The following LRRC4C variants were observed in gnomAD, a reference collection of about 807,000 sequenced individuals.
LRRC4C encodes the protein leucine-rich repeat-containing protein 4C.
LRRC4C carries 5 observed loss-of-function variants against 33.6 expected under a neutral mutation model. The observed-to-expected ratio is 0.15, with a 90% CI of 0.08 to 0.31. The LOEUF is 0.31. LRRC4C is among the 10% of genes least tolerant of loss of function. The pLI is 1.00. For synonymous variants in LRRC4C, 329 were observed against 302.0 expected, an observed-to-expected ratio of 1.09 and a Z score of -0.93; for missense variants, 560 against 796.7, an observed-to-expected ratio of 0.70 and a Z score of 3.58.
intron 3 of LRRC4C, among the ~76,000 whole-genome samples, chr11:40,355,910 C>T (rs1256826447): frequency 6.7e-6 from 1 of 149,118 alleles, no homozygotes; most frequent in Non-Finnish European, 1.5e-5. Flanking sequence ...TTCATCTCCT[C>T]CCTTGCTATG....
intron 4 of LRRC4C, among the ~76,000 whole-genome samples, chr11:40,274,466 C>G (rs1036032498): frequency 1.2e-4 from 18 of 148,750 alleles, no homozygotes; most frequent in Non-Finnish European, 2.2e-4. Context: ...CACACACACA[C>G]AGAAACCACA....
intron 1 of LRRC4C, among the ~76,000 whole-genome samples, chr11:41,253,473 A>G (rs977684584): frequency 6.6e-6 from 1 of 152,118 alleles, no homozygotes; most frequent in Non-Finnish European, 1.5e-5. Context: ...CAGGGTTATC[A>G]TACTTTTACC....
intron 1 of LRRC4C, among the ~76,000 whole-genome samples, chr11:41,420,676 C>T (rs1423804187): frequency 1.3e-5 from 2 of 151,980 alleles, no homozygotes; most frequent in Non-Finnish European, 2.9e-5. Context: ...GATCCAGAGC[C>T]AGATTTCTTG....
intron 4 of LRRC4C, among the ~76,000 whole-genome samples, chr11:40,284,938 G>C (rs368568875): frequency 1.3e-5 from 2 of 151,924 alleles, no homozygotes; most frequent in Admixed American, 1.3e-4. Flanking sequence ...GCTGGCAATG[G>C]ACACTTATGT....
intron 3 of LRRC4C, among the ~76,000 whole-genome samples, chr11:40,566,086 G>GTT: frequency 0.13 from 7,877 of 62,624 alleles, 551 homozygotes; most frequent in African/African-American, 0.14. Flanking sequence ...TTTTTACTAA[G>GTT]TTTTTTTTTT....
intron 1 of LRRC4C, among the ~76,000 whole-genome samples, chr11:40,972,855 ACTAT>A (rs1042534111): frequency 1.3e-5 from 2 of 152,094 alleles, no homozygotes; most frequent in Non-Finnish European, 2.9e-5. Flanking sequence ...CATATCAGTT[ACTAT>A]CTGTGTCCCC....
rs59083499 is a variant in LRRC4C, at chr11:41,001,940, T to A, written c.-495-68217A>T. ...TATGTTACTGAGATAAATTGTCCTT[T>A]ACTAAACATGTGGTTACATTAAACG... On this transcript the variant is annotated intron_variant, in intron 1 of 6. Coordinates refer to ENST00000528697, the MANE Select transcript of LRRC4C (RefSeq NM_001258419.2). 8.3e-3 allele frequency among the ~76,000 whole-genome samples: 1,264 copies of A among 152,190 alleles called. 27 individuals carry two copies. The highest frequency in any genetic ancestry group is 0.029 in the African/African-American group (1,223 of 41,536).
chr11:40,766,690 A>T (rs1949487243), intron 2 of LRRC4C, among the ~76,000 whole-genome samples: 1 of 136,442 alleles, frequency 7.3e-6, no homozygotes, highest in African/African-American at 2.8e-5. Flanking sequence ...TTTTACAATT[A>T]GTGTTGAGTG....
intron 3 of LRRC4C, among the ~76,000 whole-genome samples, chr11:40,490,477 T>C (rs1954090871): frequency 1.3e-5 from 2 of 152,072 alleles, no homozygotes; most frequent in Admixed American, 1.3e-4. Context: ...AAAATCCCCA[T>C]CTGTAATTAC....
At chr11:41,216,474 A>G (rs886710667) in intron 1 of LRRC4C, among the ~76,000 whole-genome samples, 1 of 152,036 alleles carries the variant, frequency 6.6e-6, no homozygotes, top group Admixed American at 6.5e-5. Context: ...AAAAAAAAAA[A>G]AGGTAGGTAG....
At chr11:40,749,701 G>C (rs760928371) in intron 2 of LRRC4C, among the ~76,000 whole-genome samples, 7 of 148,032 alleles carry the variant, frequency 4.7e-5, no homozygotes, top group Non-Finnish European at 1.0e-4. Context: ...TCTTCAAATA[G>C]GTAAACAAAA....
chr11:40,829,884 G>A (rs866115987), intron 2 of LRRC4C, among the ~76,000 whole-genome samples: 2 of 151,938 alleles, frequency 1.3e-5, no homozygotes, highest in South Asian at 4.1e-4. Context: ...TAATAACGCA[G>A]ACACAATGAG....
rs555854768 is a variant in LRRC4C at position 41,227,497 on chromosome 11, C to T, written c.-496+231934G>A. ...TGCTCAAAGATTTAACAAATATTTA[C>T]ATTTTGCTTTTATTTTTACTTTTCA... On this transcript the variant is annotated intron_variant, in intron 1 of 6. Coordinates refer to ENST00000528697, the MANE Select transcript of LRRC4C (RefSeq NM_001258419.2). Among the ~76,000 whole-genome samples the T allele has an allele frequency of 2.0e-5, 3 of 152,004 alleles. No individual in the cohort carries two copies. In the East Asian group the frequency reaches 5.8e-4, roughly 29 times the overall value.
intron 2 of LRRC4C, among the ~76,000 whole-genome samples, chr11:40,717,999 T>C (rs550854890): frequency 7.2e-5 from 11 of 152,330 alleles, no homozygotes; most frequent in African/African-American, 2.6e-4. Flanking sequence ...TGTGTGTATG[T>C]CTTAAATGTA....
chr11:40,934,484 A>G (rs1174931032), intron 1 of LRRC4C, among the ~76,000 whole-genome samples: 2 of 152,078 alleles, frequency 1.3e-5, no homozygotes, highest in Admixed American at 1.3e-4. Context: ...ATTACTTTCA[A>G]TTTCTCCTTA....
At chr11:40,363,895 G>A (rs765769506) in intron 3 of LRRC4C, among the ~76,000 whole-genome samples, 8 of 152,044 alleles carry the variant, frequency 5.3e-5, no homozygotes, top group Non-Finnish European at 8.8e-5. Flanking sequence ...AATCGCATGC[G>A]CCTATGACTT....
intron 2 of LRRC4C, among the ~76,000 whole-genome samples, chr11:40,775,975 A>G (rs2137221902): frequency 6.7e-6 from 1 of 149,472 alleles, no homozygotes; most frequent in Admixed American, 6.6e-5. Context: ...TGGATTTTTA[A>G]CAATGAAGGG....
intron 1 of LRRC4C, among the ~76,000 whole-genome samples, chr11:41,152,913 T>G (rs1590768613): frequency 1.3e-5 from 2 of 152,142 alleles, no homozygotes; most frequent in South Asian, 4.1e-4. Context: ...TAAAAATAGG[T>G]AATAAAGTAA....
intron 3 of LRRC4C, among the ~76,000 whole-genome samples, chr11:40,437,922 G>C (rs928748911): frequency 2.0e-5 from 3 of 152,166 alleles, no homozygotes; most frequent in African/African-American, 7.2e-5. Context: ...TGGCCAGGAT[G>C]GTCTCGATCT....
Sources: allele counts gnomAD v4.1 joint callset (sites outside exome capture counted in the v4.1 genomes callset), GRCh38; gene constraint gnomAD v4.1.1; transcripts MANE v1.5; gene names NCBI Gene and HGNC (gene_info 2026-07-23, HGNC 2026-07-21).